The following VTI1A variants were observed in gnomAD, a reference collection of about 807,000 sequenced individuals.
VTI1A encodes vesicle transport through interaction with t-SNAREs 1A, also known as vesicle transport through interaction with t-SNAREs homolog 1A.
A neutral mutation model predicts 34.9 loss-of-function variants in VTI1A; 22 were observed. The ratio of observed to expected loss-of-function variants is 0.63; its 90% CI spans 0.45 to 0.90. The LOEUF (loss-of-function observed/expected upper bound fraction) is 0.90. VTI1A is among the 40% of genes least tolerant of loss of function. The pLI, the probability that VTI1A is intolerant of heterozygous loss-of-function variation, is 0.00. For synonymous variants in VTI1A, 87 were observed against 97.3 expected (o/e 0.89, Z 0.62); for missense variants, 268 against 275.6 (o/e 0.97, Z 0.20).
At chr10:112,460,657 A>C in intron 2 of VTI1A, 75 bp downstream of exon 2, 1 of 1,203,840 alleles carries the variant, frequency 8.3e-7, no homozygotes, top group Non-Finnish European at 1.1e-6. Flanking sequence ...AGCCTGTTTT[A>C]TACATTGTGG....
intron 5 of VTI1A, among the ~76,000 whole-genome samples, chr10:112,542,818 C>G (rs1850917126): frequency 6.6e-6 from 1 of 152,082 alleles, no homozygotes; most frequent in African/African-American, 2.4e-5. Flanking sequence ...CTAATGCTAT[C>G]CCTCCCCACT....
chr10:112,508,165 G>A (rs928071906), intron 3 of VTI1A, among the ~76,000 whole-genome samples: 1 of 152,196 alleles, frequency 6.6e-6, no homozygotes, highest in Non-Finnish European at 1.5e-5. Context: ...TTTCTAGGAG[G>A]CGCTTCTGCC....
intron 7 of VTI1A, among the ~76,000 whole-genome samples, chr10:112,739,334 A>G (rs551779862): frequency 2.0e-5 from 3 of 152,294 alleles, no homozygotes; most frequent in African/African-American, 7.2e-5. Flanking sequence ...GAGGATGTCC[A>G]TGGTCCCCAT....
chr10:112,673,396 A>C (rs1040715290), intron 7 of VTI1A, among the ~76,000 whole-genome samples: 1 of 152,050 alleles, frequency 6.6e-6, no homozygotes, highest in African/African-American at 2.4e-5. Flanking sequence ...GACAATCTCA[A>C]ATCAAATAAT....
chr10:112,731,519 GA>G (rs1850258331), intron 7 of VTI1A, among the ~76,000 whole-genome samples: 1 of 150,736 alleles, frequency 6.6e-6, no homozygotes, highest in African/African-American at 2.4e-5. Flanking sequence ...AGGTTGCAGT[GA>G]GCCGAGATCG....
chr10:112,712,337 G>A (rs1849447229), intron 7 of VTI1A, among the ~76,000 whole-genome samples: 2 of 152,148 alleles, frequency 1.3e-5, no homozygotes, highest in South Asian at 4.1e-4. Flanking sequence ...GCTCATGACT[G>A]TGGAGGTATG....
chr10:112,601,151 G>A (rs895290694), intron 5 of VTI1A, among the ~76,000 whole-genome samples: 1 of 152,102 alleles, frequency 6.6e-6, no homozygotes, highest in Non-Finnish European at 1.5e-5. Flanking sequence ...ATCTTTGGCC[G>A]CATTTTGGAC....
At chr10:112,775,577 G>GAA (rs34442601) in intron 7 of VTI1A, among the ~76,000 whole-genome samples, 9 of 151,844 alleles carry the variant, frequency 5.9e-5, no homozygotes, top group African/African-American at 1.9e-4. Flanking sequence ...AGCAGAGGGG[G>GAA]AAAAAAAATC....
At chr10:112,531,412 A>T (rs1589868555) in intron 4 of VTI1A, among the ~76,000 whole-genome samples, 1 of 151,760 alleles carries the variant, frequency 6.6e-6, no homozygotes, top group Non-Finnish European at 1.5e-5. Context: ...AGTCCAGTCT[A>T]CGCATTGTTA....
rs1168509776 is a variant in VTI1A, at chr10:112,761,766, T to TTC, written c.561-53520_561-53519dup. Among the ~76,000 whole-genome samples, 801 of 91,836 alleles carry TTC rather than the reference T, an allele frequency of 8.7e-3. 6 individuals are homozygous for TTC. Among genetic ancestry groups the TTC allele is most frequent in the African/African-American group, 0.021 (613 of 28,692 alleles). The allele number at this position is 91,836 out of a possible 152,430, so 60.2% of individuals were successfully genotyped here. On this transcript the variant is annotated intron_variant, in intron 7 of 7. Coordinates refer to ENST00000393077, the MANE Select transcript of VTI1A (RefSeq NM_145206.4). The stretch of plus-strand genomic sequence containing the variant: ...CCTGCTCTCCCTCCTCTCTCTTTCT[T>TTC]TCTCTGTGTGTGTGTGTGTGTGTGT...
chr10:112,568,637 T>G (rs1023873826), intron 5 of VTI1A, among the ~76,000 whole-genome samples: 3 of 152,302 alleles, frequency 2.0e-5, no homozygotes, highest in African/African-American at 7.2e-5. Flanking sequence ...GTTAGAGAAC[T>G]CTAAATAAGA....
At chr10:112,787,983 G>A (rs1852346002) in intron 7 of VTI1A, among the ~76,000 whole-genome samples, 1 of 151,620 alleles carries the variant, frequency 6.6e-6, no homozygotes, top group African/African-American at 2.4e-5. Context: ...TTACAGGCAT[G>A]AGCCACCGCG....
At chr10:112,560,731 G>A (rs1355612340) in intron 5 of VTI1A, among the ~76,000 whole-genome samples, 2 of 151,786 alleles carry the variant, frequency 1.3e-5, no homozygotes, top group Non-Finnish European at 2.9e-5. Flanking sequence ...CGAGTAGCTG[G>A]GACTACAGGC....
chr10:112,504,763 T>C (rs1004317551), intron 3 of VTI1A, among the ~76,000 whole-genome samples: 1 of 152,218 alleles, frequency 6.6e-6, no homozygotes, highest in African/African-American at 2.4e-5. Context: ...CATGGAGATA[T>C]TGGTTACTTG....
chr10:112,810,832 A>C (rs1853256992), intron 7 of VTI1A, among the ~76,000 whole-genome samples: 1 of 152,346 alleles, frequency 6.6e-6, no homozygotes, highest in South Asian at 2.1e-4. Context: ...ATCATCAGTC[A>C]TCAATACACA....
intron 7 of VTI1A, among the ~76,000 whole-genome samples, chr10:112,682,580 G>A (rs1225610183): frequency 6.6e-6 from 1 of 152,194 alleles, no homozygotes; most frequent in Non-Finnish European, 1.5e-5. Context: ...CTGATATGAA[G>A]ATGAAAAATT....
intron 5 of VTI1A, among the ~76,000 whole-genome samples, chr10:112,592,651 G>A (rs2134438220): frequency 6.6e-6 from 1 of 152,308 alleles, no homozygotes; most frequent in Middle Eastern, 3.4e-3. Flanking sequence ...TTTGCACACA[G>A]TAGGTGCCCA....
chr10:112,598,556 A>G (rs1844757865), intron 5 of VTI1A, among the ~76,000 whole-genome samples: 2 of 152,236 alleles, frequency 1.3e-5, no homozygotes, highest in African/African-American at 4.8e-5. Flanking sequence ...AAAGAAGACA[A>G]AAGTAATGGG....
At chr10:112,643,616 A>T (rs1457996469) in intron 5 of VTI1A, among the ~76,000 whole-genome samples, 6 of 152,178 alleles carry the variant, frequency 3.9e-5, no homozygotes, top group Non-Finnish European at 7.4e-5. Context: ...TCAATACTTG[A>T]AAAATAGAAT....
Sources: gnomAD v4.1 joint callset for allele counts (sites outside exome capture counted in the v4.1 genomes callset) on GRCh38, gnomAD v4.1.1 for gene constraint, MANE v1.5 for transcripts, NCBI Gene and HGNC (gene_info 2026-07-23, HGNC 2026-07-21) for gene names.